The following AQR variants were observed in gnomAD, a reference collection of about 807,000 sequenced individuals.
AQR encodes the protein aquarius intron-binding spliceosomal factor, also known as RNA helicase aquarius.
A neutral mutation model predicts 180.5 loss-of-function variants in AQR; 61 were observed. The observed-to-expected ratio is 0.34, with a 90% CI of 0.28 to 0.42. The LOEUF (loss-of-function observed/expected upper bound fraction) is 0.42, where lower values mean the gene tolerates loss of function less well. Ranked by LOEUF, AQR falls within the 10% of genes least tolerant of loss-of-function variation. The pLI, the probability that AQR is intolerant of heterozygous loss-of-function variation, is 1.00. For synonymous variants in AQR, 551 were observed against 588.8 expected (o/e 0.94, Z 0.93); for missense variants, 1,281 against 1,798.3 (o/e 0.71, Z 5.20).
At chr15:34,896,997 C>T (rs1453143062) in intron 21 of AQR, 31 bp from the exon 22 acceptor site, 1 of 1,536,018 alleles carries the variant, frequency 6.5e-7, no homozygotes, top group Non-Finnish European at 9.0e-7. Context: ...AAAGTTGGTA[C>T]AGATAAATGA....
chr15:34,889,234 C>T (rs1595787447), intron 24 of AQR, among the ~76,000 whole-genome samples: 1 of 152,184 alleles, frequency 6.6e-6, no homozygotes, highest in South Asian at 2.1e-4. Context: ...GAATATAGAG[C>T]CCTAAATAAC....
Position 34,851,823 on chromosome 15 carries a change from A to G in AQR, c.*4969T>C, listed in dbSNP as rs1239068265. ...TTCTTTTACTGCATAAGAAATGAGA[A>G]GAAAAACTTAGTGTGAAATTCTGGA... On this transcript the variant is annotated 3_prime_UTR_variant, in exon 35 of 35. Coordinates refer to ENST00000156471, the MANE Select transcript of AQR (RefSeq NM_014691.3). 6.6e-6 allele frequency: 1 copy of G among 152,236 alleles called. No homozygotes were observed. Among genetic ancestry groups the G allele is most frequent in the African/African-American group, 2.4e-5 (1 of 41,462 alleles). The allele number at this position is 152,236 out of a possible 1,614,324, so 9.4% of individuals were successfully genotyped here.
chr15:34,942,676 T>C (rs9806487), intron 6 of AQR, among the ~76,000 whole-genome samples: 97,132 of 152,068 alleles, frequency 0.64, 32,369 homozygotes, highest in South Asian at 0.75. Context: ...AATGAATCAA[T>C]AATATACAAT....
chr15:34,960,413 A>G (rs2050268121), intron 3 of AQR, among the ~76,000 whole-genome samples: 1 of 152,178 alleles, frequency 6.6e-6, no homozygotes, highest in Non-Finnish European at 1.5e-5. Flanking sequence ...TATACATTAC[A>G]TATGTATACT....
chr15:34,941,975 C>A, intron 7 of AQR, 37 bp downstream of exon 7: 1 of 1,523,064 alleles, frequency 6.6e-7, no homozygotes, highest in South Asian at 1.2e-5. Flanking sequence ...CTACTTATAA[C>A]ACATACATTC....
intron 19 of AQR, 30 bp from the exon 20 acceptor site, chr15:34,900,893 G>C: frequency 6.4e-7 from 1 of 1,557,142 alleles, no homozygotes; most frequent in Non-Finnish European, 8.7e-7. Context: ...AAAAGATTGT[G>C]TCAGTATGAC....
Position 34,932,487 on chromosome 15 carries a change from G to T in AQR, c.784-53C>A, listed in dbSNP as rs190095506. The T allele has an allele frequency of 5.2e-4, 669 of 1,289,804 alleles. 3 individuals carry two copies. The African/African-American group carries it at 8.9e-3, about 17-fold the overall frequency. 79.9% of individuals were successfully genotyped at this position (1,289,804 alleles called of 1,614,324 possible). On this transcript the variant is annotated intron_variant, in intron 10 of 34. Coordinates refer to ENST00000156471, the MANE Select transcript of AQR (RefSeq NM_014691.3). Reference sequence around the variant, plus strand: ...AGTTTGCATCTATTCTCCACAGCTAGAAGTGAAATCTAGTGATATTTAACT... The same window carrying T: ...AGTTTGCATCTATTCTCCACAGCTATAAGTGAAATCTAGTGATATTTAACT...
chr15:34,873,610 T>C (rs898581465), intron 30 of AQR, among the ~76,000 whole-genome samples: 1 of 152,210 alleles, frequency 6.6e-6, no homozygotes, highest in Non-Finnish European at 1.5e-5. Flanking sequence ...TCCAACACTG[T>C]ATATTCATTA....
rs1474878200 is a variant in AQR at position 34,852,476 on chromosome 15, TCTAAGGAAATAGCTAC to T, written c.*4300_*4315del. On this transcript the variant is annotated 3_prime_UTR_variant, in exon 35 of 35. Transcript: ENST00000156471. ...GTGAGCCACTGCACCCGGCTCGTGT[TCTAAGGAAATAGCTAC>T]CTAAGGTATCTTATTAAAACAAATG... The T allele has an allele frequency of 1.3e-5, 2 of 152,162 alleles. No individual in the cohort carries two copies. The highest frequency in any genetic ancestry group is 2.9e-5 in the Non-Finnish European group (2 of 68,034). 9.4% of individuals were successfully genotyped at this position (152,162 alleles called of 1,614,324 possible).
At chr15:34,872,357 G>T (rs1464636419) in intron 30 of AQR, among the ~76,000 whole-genome samples, 1 of 152,040 alleles carries the variant, frequency 6.6e-6, no homozygotes, top group African/African-American at 2.4e-5. Flanking sequence ...TTTAATAGTG[G>T]CAAATCATCA....
In AQR at chr15:34,878,896, C is replaced by T. The variant is rs141264753; in HGVS notation, c.3166-2890G>A. ...TACAAAAATTAGCTGGGCCTGGTGGCGGGTGCCTGTAATCCCAGCTACTTG... is the reference window on the plus strand; with the variant it reads ...TACAAAAATTAGCTGGGCCTGGTGGTGGGTGCCTGTAATCCCAGCTACTTG... On this transcript the variant is annotated intron_variant, in intron 27 of 34. Coordinates refer to ENST00000156471, the MANE Select transcript of AQR (RefSeq NM_014691.3). 8.4e-3 allele frequency among the ~76,000 whole-genome samples: 1,279 copies of T among 151,962 alleles called. 19 individuals carry two copies. The highest frequency in any genetic ancestry group is 0.03 in the African/African-American group (1,230 of 41,440).
At chr15:34,919,374 ATATG>A (rs1893648237) in intron 14 of AQR, among the ~76,000 whole-genome samples, 1 of 152,222 alleles carries the variant, frequency 6.6e-6, no homozygotes, top group East Asian at 1.9e-4. Context: ...TATCTAAACA[ATATG>A]TATGTTTTAA....
intron 33 of AQR, among the ~76,000 whole-genome samples, chr15:34,860,601 AAC>A (rs943194101): frequency 2.6e-4 from 39 of 152,308 alleles, no homozygotes; most frequent in African/African-American, 9.1e-4. Context: ...GAGAAAAGTC[AAC>A]ACAGTCTGAA....
In AQR at chr15:34,852,463, ACCC is replaced by A. The variant is rs1892528981; in HGVS notation, c.*4326_*4328del. On this transcript the variant is annotated 3_prime_UTR_variant, in exon 35 of 35. Transcript: ENST00000156471. ...TGGGATTACAGGCGTGAGCCACTGCACCCGGCTCGTGTTCTAAGGAAATAGCTA... is the reference window on the plus strand; with the variant it reads ...TGGGATTACAGGCGTGAGCCACTGCAGGCTCGTGTTCTAAGGAAATAGCTA... 1.3e-5 allele frequency: 2 copies of A among 152,152 alleles called. No homozygotes were observed. The highest frequency in any genetic ancestry group is 2.9e-5 in the Non-Finnish European group (2 of 68,056). 9.4% of individuals were successfully genotyped at this position (152,152 alleles called of 1,614,324 possible). A position where few individuals can be genotyped will look rare whatever the true frequency, so the allele number is the denominator to read the frequency against.
At chr15:34,937,000 T>C (rs1433832270) in intron 9 of AQR, among the ~76,000 whole-genome samples, 1 of 152,194 alleles carries the variant, frequency 6.6e-6, no homozygotes, top group African/African-American at 2.4e-5. Flanking sequence ...TTAGATATAC[T>C]AACATTAAGA....
intron 10 of AQR, among the ~76,000 whole-genome samples, chr15:34,932,958 A>T (rs1475090283): frequency 6.6e-6 from 1 of 152,204 alleles, no homozygotes; most frequent in South Asian, 2.1e-4. Flanking sequence ...TGTCTCAGAA[A>T]AAAAAAGAAA....
intron 4 of AQR, among the ~76,000 whole-genome samples, chr15:34,949,223 A>G (rs1427782890): frequency 6.6e-6 from 1 of 151,398 alleles, no homozygotes; most frequent in Non-Finnish European, 1.5e-5. Context: ...TGAACTCCCA[A>G]CCTCAGGATC....
intron 2 of AQR, among the ~76,000 whole-genome samples, chr15:34,962,975 A>T (rs2050288464): frequency 6.6e-6 from 1 of 152,084 alleles, no homozygotes; most frequent in African/African-American, 2.4e-5. Flanking sequence ...TATTTCATTT[A>T]AAGACCTCAC....
intron 27 of AQR, among the ~76,000 whole-genome samples, chr15:34,880,986 G>T (rs1167705242): frequency 6.6e-6 from 1 of 152,082 alleles, no homozygotes; most frequent in Non-Finnish European, 1.5e-5. Context: ...AAACCTATTA[G>T]CACTCATGCT....
Sources: allele counts gnomAD v4.1 joint callset (sites outside exome capture counted in the v4.1 genomes callset), GRCh38; gene constraint gnomAD v4.1.1; transcripts MANE v1.5; gene names NCBI Gene and HGNC (gene_info 2026-07-23, HGNC 2026-07-21).